Variants in INTU observed in about 807,000 individuals in gnomAD.
INTU encodes the protein protein inturned.
Under a neutral mutation model 100.5 loss-of-function variants are expected in INTU, and 68 were observed. That is an observed-to-expected ratio of 0.68 (90% CI 0.56 to 0.83). The LOEUF is 0.83. Among genes scored for constraint, INTU ranks in the 40% least tolerant of loss-of-function variants. The pLI is 0.00. For missense variants in INTU, 1,071 were observed against 1,114.7 expected (o/e 0.96, Z 0.56); for synonymous variants, 357 against 395.7 (o/e 0.90, Z 1.16).
At chr4:127,664,147 A>G (rs1193081244) in intron 4 of INTU, among the ~76,000 whole-genome samples, 1 of 152,066 alleles carries the variant, frequency 6.6e-6, no homozygotes, top group Non-Finnish European at 1.5e-5. Context: ...TATGTTTTAC[A>G]TATTATTTTT....
intron 11 of INTU, 66 bp from the exon 12 acceptor site, chr4:127,706,421 C>A: frequency 1.5e-6 from 2 of 1,349,092 alleles, no homozygotes; most frequent in Non-Finnish European, 2.0e-6. Context: ...TAAGTTTATA[C>A]ATGCACATTT....
At chr4:127,688,666 C>G (rs900067957) in intron 8 of INTU, among the ~76,000 whole-genome samples, 3 of 152,170 alleles carry the variant, frequency 2.0e-5, no homozygotes, top group Non-Finnish European at 2.9e-5. Flanking sequence ...ATTGATGTAT[C>G]AATCACTTTG....
chr4:127,704,121 GT>G (rs1730770094), intron 9 of INTU, 106 bp from the exon 10 acceptor site: 1 of 859,454 alleles, frequency 1.2e-6, no homozygotes, highest in South Asian at 1.8e-5. Flanking sequence ...ACTATGAAAA[GT>G]TTAGTTACTA....
intron 5 of INTU, among the ~76,000 whole-genome samples, chr4:127,669,883 G>A (rs189046911): frequency 6.6e-6 from 1 of 151,968 alleles, no homozygotes; most frequent in African/African-American, 2.4e-5. Flanking sequence ...AATGCTTCTG[G>A]ACATTGGCCT....
rs2148746669 is a variant in INTU, at chr4:127,724,018, A to G, written c.*7582A>G. On this transcript the variant is annotated 3_prime_UTR_variant, in exon 16 of 16. Coordinates refer to ENST00000335251, the MANE Select transcript of INTU (RefSeq NM_015693.4). ...AGTATATTTCACATGCATTTTATAT[A>G]ATTCATGAATTTCAGGAAAGCTGCA... 1 of 152,344 alleles carries G rather than the reference A, an allele frequency of 6.6e-6. No homozygotes were observed. Among genetic ancestry groups the G allele is most frequent in the South Asian group, 2.1e-4 (1 of 4,830 alleles). The allele number at this position is 152,344 out of a possible 1,614,324, so 9.4% of individuals were successfully genotyped here.
chr4:127,655,279 G>T (rs747236565), intron 2 of INTU, among the ~76,000 whole-genome samples: 5 of 152,314 alleles, frequency 3.3e-5, no homozygotes, highest in South Asian at 2.1e-4. Context: ...ACTGCGTTCC[G>T]TTGGAGGAGG....
intron 8 of INTU, 102 bp downstream of exon 8, chr4:127,687,969 G>C: frequency 1.2e-6 from 1 of 838,264 alleles, no homozygotes; most frequent in South Asian, 3.4e-5. Flanking sequence ...TGGAATTATG[G>C]TTAAAAATTA....
chr4:127,649,399 G>A (rs1220532387), intron 2 of INTU, among the ~76,000 whole-genome samples: 1 of 152,114 alleles, frequency 6.6e-6, no homozygotes, highest in East Asian at 1.9e-4. Flanking sequence ...GCCTCGGCTT[G>A]TAAGATGTAC....
intron 6 of INTU, among the ~76,000 whole-genome samples, chr4:127,682,905 G>T (rs951194869): frequency 1.3e-5 from 2 of 152,122 alleles, no homozygotes; most frequent in Non-Finnish European, 2.9e-5. Flanking sequence ...CAAAAGAGAA[G>T]AAAGAGAATA....
intron 1 of INTU, among the ~76,000 whole-genome samples, chr4:127,637,621 G>A (rs918459264): frequency 6.6e-6 from 1 of 152,076 alleles, no homozygotes; most frequent in African/African-American, 2.4e-5. Flanking sequence ...CTGTACTCTA[G>A]TCCTATAGCA....
In INTU at chr4:127,710,949, C is replaced by T. The variant is rs368411237; in HGVS notation, c.2406C>T (p.Tyr802=). ...TSGPENTLFH[Y]VALETVQGIF... The stretch of plus-strand genomic sequence containing the variant: ...GTCCTGAGAACACACTTTTCCACTA[C>T]GTTGCCTTAGAAACAGTGCAAGGAA... The change falls in exon 14 of 16, where the codon TAC becomes TAT. Residue 802 remains tyrosine (Y), a synonymous_variant. Transcript: ENST00000335251. The T allele has an allele frequency of 3.0e-5, 45 of 1,524,192 alleles. No individual in the cohort carries two copies. The highest frequency in any genetic ancestry group is 2.3e-4 in the East Asian group (10 of 43,358). 94.4% of individuals were successfully genotyped at this position (1,524,192 alleles called of 1,614,324 possible).
chr4:127,655,682 C>T (rs1001293365), intron 2 of INTU, among the ~76,000 whole-genome samples: 1 of 151,588 alleles, frequency 6.6e-6, no homozygotes. Flanking sequence ...TTTTGTTTGT[C>T]TGTGCCCTGC....
Position 127,687,698 on chromosome 4 carries a change from A to G in INTU, c.1280A>G (p.Asn427Ser). The G allele has an allele frequency of 5.6e-6, 9 of 1,611,686 alleles. No homozygotes were observed. The highest frequency in any genetic ancestry group is 7.6e-6 in the Non-Finnish European group (9 of 1,178,208). The change falls in exon 8 of 16, where the codon AAT becomes AGT. Residue 427 changes from asparagine (N) to serine (S), a missense_variant. Asn to Ser is a conservative substitution (Grantham distance 46). Coordinates refer to ENST00000335251, the MANE Select transcript of INTU (RefSeq NM_015693.4). ...TCCAGTGCCTTTTGCCAGATTGAGA[A>G]TGTTCCTCGTTTGGATCATTTTTTT... is the stretch of plus-strand genomic sequence containing the variant. Reference protein sequence around the residue: ...SLDSAFCQIENVPRLDHFFNL... With the variant: ...SLDSAFCQIESVPRLDHFFNL...
At position 127,714,101 on chromosome 4, in the gene INTU, A is replaced by G. The variant is rs1307089281; in HGVS notation, c.2717+8A>G. ...GGCTTACTGGGTAGTAGGGTAAGTG[A>G]GAAAAAAAAGTATTTGAAAGTAAAG... On this transcript the variant is annotated splice_region_variant and intron_variant, in intron 15 of 15. Transcript: ENST00000335251. The G allele has an allele frequency of 6.3e-7, 1 of 1,597,412 alleles. No homozygotes were observed. Among genetic ancestry groups the G allele is most frequent in the Non-Finnish European group, 8.5e-7 (1 of 1,174,584 alleles).
At chr4:127,681,762 T>A (rs934619586) in intron 6 of INTU, among the ~76,000 whole-genome samples, 6 of 152,092 alleles carry the variant, frequency 3.9e-5, no homozygotes, top group African/African-American at 1.5e-4. Flanking sequence ...TGGGATCTAA[T>A]TAAACTAAAG....
chr4:127,712,660 G>A (rs2148737876), intron 14 of INTU, among the ~76,000 whole-genome samples: 1 of 152,326 alleles, frequency 6.6e-6, no homozygotes, highest in South Asian at 2.1e-4. Flanking sequence ...AGAGGTGGGA[G>A]TGACTATTTT....
At chr4:127,678,976 T>C in intron 6 of INTU, among the ~76,000 whole-genome samples, 1 of 151,918 alleles carries the variant, frequency 6.6e-6, no homozygotes, top group Admixed American at 6.6e-5. Flanking sequence ...AAACAGACTT[T>C]AAACCAACAA....
intron 8 of INTU, chr4:127,699,350 C>G (rs1446114861): frequency 6.6e-6 from 1 of 152,148 alleles, no homozygotes; most frequent in African/African-American, 2.4e-5. Flanking sequence ...AGGCAATTTC[C>G]ATAGAAACAA....
intron 9 of INTU, among the ~76,000 whole-genome samples, chr4:127,702,127 G>T (rs76259383): frequency 3.2e-4 from 48 of 151,952 alleles, no homozygotes; most frequent in African/African-American, 1.2e-3. Context: ...CTATTTTAAT[G>T]AGCAGTGGAG....
Sources: allele counts gnomAD v4.1 joint callset (sites outside exome capture counted in the v4.1 genomes callset), GRCh38; gene constraint gnomAD v4.1.1; transcripts MANE v1.5; gene names NCBI Gene and HGNC (gene_info 2026-07-23, HGNC 2026-07-21).